The following IGF1R variants were observed in gnomAD, a reference collection of about 807,000 sequenced individuals.
IGF1R encodes the protein insulin-like growth factor 1 receptor.
Under a neutral mutation model 144.6 loss-of-function variants are expected in IGF1R, and 44 were observed. The ratio of observed to expected loss-of-function variants is 0.30; its 90% CI spans 0.24 to 0.39. The LOEUF is 0.39. Ranked by LOEUF, IGF1R falls within the 10% of genes least tolerant of loss-of-function variation. IGF1R has a pLI of 1.00. For missense variants in IGF1R, 1,355 were observed against 1,833.7 expected (o/e 0.74, Z 4.77); for synonymous variants, 795 against 722.8 (o/e 1.10, Z -1.60).
chr15:98,830,624 G>A (rs1417013927), intron 2 of IGF1R, among the ~76,000 whole-genome samples: 1 of 111,398 alleles, frequency 9.0e-6, no homozygotes, highest in African/African-American at 5.4e-5. Flanking sequence ...TTTTTTTTTA[G>A]ATGGAGTCTC....
At position 98,961,908 on chromosome 15, in the gene IGF1R, G is replaced by A. The variant is rs184311472; in HGVS notation, c.*4466G>A. The A allele has an allele frequency of 1.7e-5, 4 of 233,352 alleles. No homozygotes were observed. The highest frequency in any genetic ancestry group is 1.2e-4 in the East Asian group (2 of 16,596). 14.5% of individuals were successfully genotyped at this position (233,352 alleles called of 1,614,324 possible). ...GTCACATTTCAATGGTACGAAAAGTGGCTTCGTAAAATAGAAGAGCAGTCA... is the reference window on the plus strand; with the variant it reads ...GTCACATTTCAATGGTACGAAAAGTAGCTTCGTAAAATAGAAGAGCAGTCA... On this transcript the variant is annotated 3_prime_UTR_variant, in exon 21 of 21. Transcript: ENST00000650285.
intron 2 of IGF1R, among the ~76,000 whole-genome samples, chr15:98,754,588 T>C (rs900155457): frequency 1.3e-5 from 2 of 152,198 alleles, no homozygotes; most frequent in Non-Finnish European, 2.9e-5. Flanking sequence ...GAACCTTTGC[T>C]GCGTTCCGAA....
chr15:98,725,849 A>T (rs1311221066), intron 2 of IGF1R, among the ~76,000 whole-genome samples: 1 of 152,238 alleles, frequency 6.6e-6, no homozygotes, highest in African/African-American at 2.4e-5. Context: ...ATGTGGAAGA[A>T]GCAAAAGTGG....
intron 2 of IGF1R, among the ~76,000 whole-genome samples, chr15:98,710,757 C>T (rs1280195404): frequency 6.6e-6 from 1 of 151,114 alleles, no homozygotes; most frequent in Non-Finnish European, 1.5e-5. Flanking sequence ...ACCTCCGTCT[C>T]CTGGGTTCAA....
intron 1 of IGF1R, among the ~76,000 whole-genome samples, chr15:98,680,292 A>T (rs2053156606): frequency 6.6e-6 from 1 of 150,482 alleles, no homozygotes; most frequent in Non-Finnish European, 1.5e-5. Context: ...TTTGAGACAG[A>T]GTCTCGCTCT....
chr15:98,936,947 A>G (rs566627996), intron 17 of IGF1R, among the ~76,000 whole-genome samples: 94 of 152,268 alleles, frequency 6.2e-4, no homozygotes, highest in African/African-American at 2.2e-3. Flanking sequence ...GTGCAGTGGC[A>G]TGATCTCAGC....
At chr15:98,950,449 G>T (rs988312294) in intron 20 of IGF1R, among the ~76,000 whole-genome samples, 2 of 152,190 alleles carry the variant, frequency 1.3e-5, no homozygotes, top group African/African-American at 4.8e-5. Flanking sequence ...GAGGCTCAGG[G>T]ACATCTTCAG....
At chr15:98,857,965 C>T (rs2011924683) in intron 2 of IGF1R, among the ~76,000 whole-genome samples, 1 of 152,160 alleles carries the variant, frequency 6.6e-6, no homozygotes, top group Admixed American at 6.5e-5. Flanking sequence ...TACACATTTC[C>T]TGGAGCTGTT....
chr15:98,792,056 C>A (rs959954316), intron 2 of IGF1R, among the ~76,000 whole-genome samples: 1 of 152,154 alleles, frequency 6.6e-6, no homozygotes, highest in Non-Finnish European at 1.5e-5. Context: ...AGAGAAAAAT[C>A]TTTTTTCCTT....
At chr15:98,815,462 C>T (rs1026025880) in intron 2 of IGF1R, among the ~76,000 whole-genome samples, 4 of 152,240 alleles carry the variant, frequency 2.6e-5, no homozygotes, top group Non-Finnish European at 5.9e-5. Context: ...TTTGTGTATG[C>T]CGGGCTGGGC....
intron 2 of IGF1R, among the ~76,000 whole-genome samples, chr15:98,804,279 TTATG>T (rs1437407610): frequency 6.6e-6 from 1 of 152,200 alleles, no homozygotes; most frequent in Non-Finnish European, 1.5e-5. Context: ...AATCTTGCTT[TTATG>T]TAGTTTTAGA....
At chr15:98,901,781 A>G (rs1030782755) in intron 5 of IGF1R, among the ~76,000 whole-genome samples, 2 of 152,310 alleles carry the variant, frequency 1.3e-5, no homozygotes, top group African/African-American at 4.8e-5. Flanking sequence ...TGGGCCTTGA[A>G]GGCTTTCGGG....
At position 98,962,798 on chromosome 15, in the gene IGF1R, C is replaced by CAA; in HGVS notation, c.*5358_*5359dup. Reference sequence around the variant, plus strand: ...GTCATCCGTGGGCATTTGGTTTCAACAAAGAAACCTAACATCCTACTCTGG... The same window carrying CAA: ...GTCATCCGTGGGCATTTGGTTTCAACAAAAAGAAACCTAACATCCTACTCTGG... On this transcript the variant is annotated 3_prime_UTR_variant, in exon 21 of 21. Coordinates refer to ENST00000650285, the MANE Select transcript of IGF1R (RefSeq NM_000875.5). 4.3e-6 allele frequency: 1 copy of CAA among 233,620 alleles called. No individual in the cohort carries two copies. Among genetic ancestry groups the CAA allele is most frequent in the Admixed American group, 5.6e-5 (1 of 17,804 alleles). The allele number at this position is 233,620 out of a possible 1,614,324, so 14.5% of individuals were successfully genotyped here.
intron 2 of IGF1R, among the ~76,000 whole-genome samples, chr15:98,732,485 G>T (rs1399109340): frequency 6.6e-6 from 1 of 152,188 alleles, no homozygotes; most frequent in Non-Finnish European, 1.5e-5. Context: ...TTCCTGAAGG[G>T]TCTCTGGCAG....
intron 2 of IGF1R, among the ~76,000 whole-genome samples, chr15:98,828,727 G>A (rs561970723): frequency 7.3e-4 from 110 of 149,738 alleles, no homozygotes; most frequent in Non-Finnish European, 1.3e-3. Context: ...ATCCTGAAAC[G>A]AATATTTTTC....
At chr15:98,663,755 A>G (rs2052656571) in intron 1 of IGF1R, among the ~76,000 whole-genome samples, 2 of 152,120 alleles carry the variant, frequency 1.3e-5, no homozygotes, top group Admixed American at 1.3e-4. Context: ...AGGCTGGGAG[A>G]GGGCGGTGGC....
At chr15:98,786,958 G>A (rs2056013469) in intron 2 of IGF1R, among the ~76,000 whole-genome samples, 1 of 152,184 alleles carries the variant, frequency 6.6e-6, no homozygotes, top group South Asian at 2.1e-4. Flanking sequence ...ATTGCTCAGA[G>A]CCTGGGTTTC....
chr15:98,741,894 T>G (rs949862532), intron 2 of IGF1R, among the ~76,000 whole-genome samples: 3 of 152,210 alleles, frequency 2.0e-5, no homozygotes, highest in Non-Finnish European at 2.9e-5. Context: ...CTATGTAATT[T>G]GTTTGTGTTC....
intron 2 of IGF1R, among the ~76,000 whole-genome samples, chr15:98,777,122 A>G (rs1444292837): frequency 6.6e-6 from 1 of 152,096 alleles, no homozygotes; most frequent in Non-Finnish European, 1.5e-5. Context: ...ATACCGTGTC[A>G]GTTCACATGT....
Sources: gnomAD v4.1 joint callset for allele counts (sites outside exome capture counted in the v4.1 genomes callset) on GRCh38, gnomAD v4.1.1 for gene constraint, MANE v1.5 for transcripts, NCBI Gene and HGNC (gene_info 2026-07-23, HGNC 2026-07-21) for gene names.